LVRN: variants seen among roughly 807,000 people sequenced by gnomAD.
The protein encoded by LVRN is laeverin, also known as aminopeptidase Q.
In LVRN, 99 loss-of-function variants were observed where a neutral mutation model predicts 111.4. The observed-to-expected ratio is 0.89, with a 90% CI of 0.76 to 1.05. The LOEUF (loss-of-function observed/expected upper bound fraction) is 1.05. LVRN is among the 50% of genes least tolerant of loss of function. The pLI, the probability that LVRN is intolerant of heterozygous loss-of-function variation, is 0.00. For missense variants in LVRN, 1,414 were observed against 1,206.8 expected, an observed-to-expected ratio of 1.17 and a Z score of -2.54; for synonymous variants, 488 against 449.5, an observed-to-expected ratio of 1.09 and a Z score of -1.08.
At chr5:115,964,746 C>G (rs915317262) in intron 1 of LVRN, among the ~76,000 whole-genome samples, 1 of 152,202 alleles carries the variant, frequency 6.6e-6, no homozygotes, top group African/African-American at 2.4e-5. Flanking sequence ...GTGTTGCTAA[C>G]TCTAGTGTTA....
In LVRN at chr5:116,027,447, G is replaced by A. The variant is rs1446820802; in HGVS notation, c.*1329G>A. ...TTGCTTTTGTATTTGATTCACAAGA[G>A]GATTCTCCCTGAGTGTCAGGGGAGG... On this transcript the variant is annotated 3_prime_UTR_variant, in exon 20 of 20. Coordinates refer to ENST00000357872, the MANE Select transcript of LVRN (RefSeq NM_173800.5). 6.6e-6 allele frequency: 1 copy of A among 152,158 alleles called. No individual in the cohort carries two copies. The highest frequency in any genetic ancestry group is 2.4e-5 in the African/African-American group (1 of 41,432). 9.4% of individuals were successfully genotyped at this position (152,158 alleles called of 1,614,324 possible).
At chr5:115,999,548 A>T (rs1748193076) in intron 6 of LVRN, among the ~76,000 whole-genome samples, 1 of 152,224 alleles carries the variant, frequency 6.6e-6, no homozygotes, top group Non-Finnish European at 1.5e-5. Flanking sequence ...AAAAACTGAA[A>T]TGAAAAAGGA....
rs1748193120 is a variant in LVRN at position 115,999,550 on chromosome 5, GA to G, written c.1375-207del. Among the ~76,000 whole-genome samples the G allele has an allele frequency of 2.6e-5, 4 of 152,252 alleles. No individual in the cohort carries two copies. The South Asian group carries it at 8.3e-4, about 32-fold the overall frequency. On this transcript the variant is annotated intron_variant, in intron 6 of 19. Coordinates refer to ENST00000357872, the MANE Select transcript of LVRN (RefSeq NM_173800.5). ...TAATTGACTTTTTAAAAACTGAAAT[GA>G]AAAAGGATACAAATGGGAAGGAAAC...
intron 13 of LVRN, among the ~76,000 whole-genome samples, chr5:116,006,912 A>G (rs1455269467): frequency 1.3e-5 from 2 of 152,162 alleles, no homozygotes; most frequent in African/African-American, 2.4e-5. Flanking sequence ...TGCTCTTGCT[A>G]TCAATTTTTC....
At chr5:115,994,080 T>C (rs1017489222) in intron 6 of LVRN, among the ~76,000 whole-genome samples, 3 of 152,110 alleles carry the variant, frequency 2.0e-5, no homozygotes, top group Non-Finnish European at 4.4e-5. Flanking sequence ...TTTGTATTGC[T>C]TTTTTTACTT....
At chr5:115,971,195 C>T (rs559781970) in intron 1 of LVRN, among the ~76,000 whole-genome samples, 1 of 152,262 alleles carries the variant, frequency 6.6e-6, no homozygotes, top group Non-Finnish European at 1.5e-5. Flanking sequence ...CCATTTTTCT[C>T]TTGGGCTGTT....
chr5:115,998,773 G>A (rs1302106797), intron 6 of LVRN, among the ~76,000 whole-genome samples: 1 of 152,138 alleles, frequency 6.6e-6, no homozygotes, highest in Non-Finnish European at 1.5e-5. Context: ...AAATCCCCTG[G>A]TGATCCTTCT....
intron 3 of LVRN, among the ~76,000 whole-genome samples, chr5:115,987,391 T>C (rs1333030259): frequency 1.3e-5 from 2 of 152,226 alleles, no homozygotes; most frequent in African/African-American, 4.8e-5. Context: ...GATTTAAATA[T>C]GCTTAATATG....
At chr5:115,990,848 G>C (rs1055925211) in intron 4 of LVRN, among the ~76,000 whole-genome samples, 2 of 152,010 alleles carry the variant, frequency 1.3e-5, no homozygotes, top group Non-Finnish European at 2.9e-5. Context: ...CTGAGATTAC[G>C]CGCATAAGCC....
At chr5:116,024,721 A>G (rs1306410240) in intron 19 of LVRN, among the ~76,000 whole-genome samples, 1 of 152,198 alleles carries the variant, frequency 6.6e-6, no homozygotes, top group Admixed American at 6.5e-5. Context: ...TTGAAGTTTC[A>G]AAACTCTAGT....
chr5:115,992,180 T>TA lies in LVRN; in HGVS notation c.1164dup (p.Phe389IlefsTer2), dbSNP rs1748007975. 1 of 1,613,870 alleles carries TA rather than the reference T, an allele frequency of 6.2e-7. No homozygotes were observed. The highest frequency in any genetic ancestry group is 1.3e-5 in the African/African-American group (1 of 74,924). On this transcript the variant is annotated frameshift_variant, in exon 5 of 20. Transcript: ENST00000357872. LOFTEE classifies it high-confidence loss of function. ...GCAATGGAAAACTGGGGACTAATGA[T>TA]ATTTGATGAATCAGGATTGTTGTTG...
At position 115,986,047 on chromosome 5, in the gene LVRN, G is replaced by A. The variant is rs144626560; in HGVS notation, c.978+1338G>A. 7.7e-3 allele frequency among the ~76,000 whole-genome samples: 1,179 copies of A among 152,320 alleles called. 14 individuals carry two copies. Among genetic ancestry groups the A allele is most frequent in the African/African-American group, 0.024 (1,005 of 41,572 alleles). On this transcript the variant is annotated intron_variant, in intron 3 of 19. Coordinates refer to ENST00000357872, the MANE Select transcript of LVRN (RefSeq NM_173800.5). The stretch of plus-strand genomic sequence containing the variant: ...CTCCTCCTTTACAACTCCTAACCTA[G>A]TGATGAATTAGTAATATTGTGTTGG...
intron 5 of LVRN, 53 bp from the exon 6 acceptor site, chr5:115,993,688 T>C: frequency 8.4e-7 from 1 of 1,195,054 alleles, no homozygotes; most frequent in Non-Finnish European, 1.2e-6. Flanking sequence ...ACAACGAATA[T>C]AACTTAAAAA....
intron 1 of LVRN, among the ~76,000 whole-genome samples, chr5:115,965,081 G>T (rs761109961): frequency 6.6e-6 from 1 of 152,318 alleles, no homozygotes; most frequent in African/African-American, 2.4e-5. Context: ...TCACGGAATA[G>T]ATATAATAAC....
chr5:115,998,162 T>A (rs1468809314), intron 6 of LVRN, among the ~76,000 whole-genome samples: 5 of 152,224 alleles, frequency 3.3e-5, no homozygotes, highest in African/African-American at 9.6e-5. Context: ...ATTGACCTGA[T>A]GGGTTATTAT....
At chr5:116,011,945 T>G (rs1306890673) in intron 14 of LVRN, among the ~76,000 whole-genome samples, 1 of 152,178 alleles carries the variant, frequency 6.6e-6, no homozygotes, top group Non-Finnish European at 1.5e-5. Context: ...CCAGTTCTTT[T>G]TTTTTGAGGA....
intron 1 of LVRN, among the ~76,000 whole-genome samples, chr5:115,968,953 G>T (rs1337803923): frequency 6.6e-6 from 1 of 152,134 alleles, no homozygotes. Flanking sequence ...GGGCTCAGAG[G>T]ACTGGCCATT....
chr5:116,000,760 C>T lies in LVRN; in HGVS notation c.1647+102C>T, dbSNP rs117466322. ...GAATGGCAGTTCCACAGGAAAACAG[C>T]TTTGTCTTGTTGTAGAACTCCCTTA... On this transcript the variant is annotated intron_variant, in intron 9 of 19. Transcript: ENST00000357872. 590 of 1,298,192 alleles carry T rather than the reference C, an allele frequency of 4.5e-4. 8 individuals carry two copies. In the East Asian group the frequency reaches 0.013, roughly 29 times the overall value. 80.4% of individuals were successfully genotyped at this position (1,298,192 alleles called of 1,614,324 possible).
chr5:116,026,136 G>A lies in LVRN; in HGVS notation c.*18G>A. ...ACACATAGCTTGTGGCTATCTTTCA[G>A]CACTCCTCTTGCATATTATAATGTA... On this transcript the variant is annotated 3_prime_UTR_variant, in exon 20 of 20. Coordinates refer to ENST00000357872, the MANE Select transcript of LVRN (RefSeq NM_173800.5). 8.1e-6 allele frequency: 13 copies of A among 1,613,314 alleles called. No homozygotes were observed. Among genetic ancestry groups the A allele is most frequent in the Non-Finnish European group, 1.1e-5 (13 of 1,179,600 alleles).
Sources: allele counts gnomAD v4.1 joint callset (sites outside exome capture counted in the v4.1 genomes callset), GRCh38; gene constraint gnomAD v4.1.1; transcripts MANE v1.5; gene names NCBI Gene and HGNC (gene_info 2026-07-23, HGNC 2026-07-21).